The following DGKI variants were observed in gnomAD, a reference collection of about 807,000 sequenced individuals.
DGKI encodes DAG kinase iota.
Under a neutral mutation model 147.5 loss-of-function variants are expected in DGKI, and 55 were observed. That is an observed-to-expected ratio of 0.37 (90% CI 0.30 to 0.47). The LOEUF is 0.47. Among genes scored for constraint, DGKI ranks in the 20% least tolerant of loss-of-function variants. The pLI is 1.00. For missense variants in DGKI, 1,007 were observed against 1,323.8 expected (o/e 0.76, Z 3.71); for synonymous variants, 469 against 477.1 (o/e 0.98, Z 0.22).
rs1794447670 is a variant in DGKI, at chr7:137,718,432, A to C, written c.402-28430T>G. 2.6e-5 allele frequency among the ~76,000 whole-genome samples: 4 copies of C among 152,240 alleles called. No individual in the cohort carries two copies. The South Asian group carries it at 8.3e-4, about 32-fold the overall frequency. ...GGCATGCCAAACAGGGGAGGCTGAG[A>C]AGGGAACCGCAGCCAGGGAGAAAGA... On this transcript the variant is annotated intron_variant, in intron 1 of 32. Coordinates refer to ENST00000614521, the MANE Select transcript of DGKI (RefSeq NM_001321708.2).
chr7:137,505,565 T>C (rs183184333), intron 21 of DGKI, among the ~76,000 whole-genome samples: 27 of 152,212 alleles, frequency 1.8e-4, no homozygotes, highest in Non-Finnish European at 3.4e-4. Flanking sequence ...TAAAAAATAA[T>C]GTTCAATGCT....
At chr7:137,483,842 A>G (rs969301306) in intron 23 of DGKI, among the ~76,000 whole-genome samples, 2 of 152,056 alleles carry the variant, frequency 1.3e-5, no homozygotes, top group Non-Finnish European at 2.9e-5. Context: ...TATCCAGTCT[A>G]TCGTTGATGG....
intron 10 of DGKI, among the ~76,000 whole-genome samples, chr7:137,608,629 CTAACTA>C (rs1269426816): frequency 1.3e-5 from 2 of 152,068 alleles, no homozygotes; most frequent in Non-Finnish European, 2.9e-5. Context: ...GAAGGGCCTC[CTAACTA>C]TAAGAATTGA....
intron 6 of DGKI, among the ~76,000 whole-genome samples, chr7:137,627,050 C>T (rs1475734340): frequency 6.6e-6 from 1 of 152,186 alleles, no homozygotes; most frequent in Non-Finnish European, 1.5e-5. Flanking sequence ...GACAGGTCTA[C>T]TCATATCCAC....
chr7:137,823,011 G>GA (rs1397942716), intron 1 of DGKI, among the ~76,000 whole-genome samples: 2 of 149,022 alleles, frequency 1.3e-5, no homozygotes, highest in African/African-American at 2.5e-5. Flanking sequence ...TAAATTCCAG[G>GA]AAAAAAGCAA....
At chr7:137,530,658 G>A (rs142145135) in intron 20 of DGKI, among the ~76,000 whole-genome samples, 201 of 152,144 alleles carry the variant, frequency 1.3e-3, no homozygotes, top group Non-Finnish European at 2.2e-3. Context: ...CTAAATTTGC[G>A]ATGAGAAAAA....
At chr7:137,405,673 G>C (rs1040639479) in intron 30 of DGKI, among the ~76,000 whole-genome samples, 1 of 152,166 alleles carries the variant, frequency 6.6e-6, no homozygotes, top group Non-Finnish European at 1.5e-5. Flanking sequence ...ATGCAGTAGA[G>C]ATCATCCAGA....
At position 137,571,857 on chromosome 7, in the gene DGKI, AGAAGAAGGACAAGAGAG is replaced by A. The variant is rs1159552472; in HGVS notation, c.1836-588_1836-572del. Among the ~76,000 whole-genome samples, 46 of 152,290 alleles carry A rather than the reference AGAAGAAGGACAAGAGAG, an allele frequency of 3.0e-4. No homozygotes were observed. The South Asian group carries it at 4.6e-3, about 15-fold the overall frequency. ...GAAAGAGGGAGAAGCAAGAAAAGAC[AGAAGAAGGACAAGAGAG>A]GAAGAAGGACAAGAGAGGAAGGACA... On this transcript the variant is annotated intron_variant, in intron 18 of 32. Transcript: ENST00000614521.
chr7:137,416,452 G>C (rs1388974860), intron 28 of DGKI, among the ~76,000 whole-genome samples: 1 of 152,158 alleles, frequency 6.6e-6, no homozygotes, highest in Non-Finnish European at 1.5e-5. Flanking sequence ...GTGTCTGAGG[G>C]AATCTGCAAA....
intron 15 of DGKI, 117 bp downstream of exon 15, chr7:137,581,733 T>A (rs1819200358): frequency 1.2e-6 from 1 of 836,802 alleles, no homozygotes; most frequent in Non-Finnish European, 1.9e-6. Context: ...AAGGTTAAAA[T>A]GAAACAACAC....
intron 25 of DGKI, among the ~76,000 whole-genome samples, chr7:137,466,562 C>T (rs1814669147): frequency 6.6e-6 from 1 of 152,050 alleles, no homozygotes; most frequent in Non-Finnish European, 1.5e-5. Context: ...CCTGGGGCCT[C>T]AAACTTGCTA....
At chr7:137,718,242 T>C (rs116803734) in intron 1 of DGKI, among the ~76,000 whole-genome samples, 79 of 152,280 alleles carry the variant, frequency 5.2e-4, no homozygotes, top group African/African-American at 1.8e-3. Context: ...AATATTATTG[T>C]TGTGGTTGTT....
intron 32 of DGKI, among the ~76,000 whole-genome samples, chr7:137,394,539 G>A (rs991008740): frequency 2.0e-5 from 3 of 151,952 alleles, no homozygotes; most frequent in South Asian, 2.1e-4. Context: ...TTTCTCTTGG[G>A]TGCTCTCTAT....
At chr7:137,695,750 C>T (rs1199483445) in intron 1 of DGKI, among the ~76,000 whole-genome samples, 1 of 152,226 alleles carries the variant, frequency 6.6e-6, no homozygotes, top group African/African-American at 2.4e-5. Context: ...TTCTATACTA[C>T]TTCTCTAATT....
Position 137,604,451 on chromosome 7 carries a change from G to A in DGKI, c.1167+4515C>T, listed in dbSNP as rs529304851. ...CCTTCTCCCCACCTTGATGTGACTG[G>A]CCCCTGACTTAGGAGGGGTGGCCCT... On this transcript the variant is annotated intron_variant, in intron 10 of 32. Transcript: ENST00000614521. Among the ~76,000 whole-genome samples, 13 of 152,202 alleles carry A rather than the reference G, an allele frequency of 8.5e-5. No individual in the cohort carries two copies. The South Asian group carries it at 2.3e-3, about 27-fold the overall frequency.
At chr7:137,537,898 C>T (rs1025962694) in intron 20 of DGKI, among the ~76,000 whole-genome samples, 3 of 152,034 alleles carry the variant, frequency 2.0e-5, no homozygotes, top group African/African-American at 7.2e-5. Context: ...TAAGGTGTGG[C>T]AGAGTTTATA....
chr7:137,581,852 C>G lies in DGKI; in HGVS notation c.1640G>C (p.Arg547Thr). The G allele has an allele frequency of 6.2e-7, 1 of 1,612,842 alleles. No homozygotes were observed. Among genetic ancestry groups the G allele is most frequent in the Non-Finnish European group, 8.5e-7 (1 of 1,178,948 alleles). Residue 547 changes from arginine to threonine, a missense_variant and splice_region_variant, in exon 15 of 33, where the codon AGA becomes ACA. Arg to Thr is a moderately conservative substitution (Grantham distance 71, BLOSUM62 -1). Coordinates refer to ENST00000614521, the MANE Select transcript of DGKI (RefSeq NM_001321708.2). ...TGGAAATGGGACGTTGTCCTCACCT[C>G]TGGATTCATGGAACTCCAGTGTGAC... ...AHVTLEFHES[R>T]EANPEKFNSR...
chr7:137,536,553 AT>A (rs1286074683), intron 20 of DGKI, among the ~76,000 whole-genome samples: 1 of 152,106 alleles, frequency 6.6e-6, no homozygotes, highest in Non-Finnish European at 1.5e-5. Context: ...TGGAGGGCAG[AT>A]TTTCTTATGA....
At chr7:137,843,951 C>T (rs1368869695) in intron 1 of DGKI, among the ~76,000 whole-genome samples, 1 of 152,174 alleles carries the variant, frequency 6.6e-6, no homozygotes, top group Admixed American at 6.5e-5. Context: ...TACCCTAACT[C>T]AGTCCTTTCA....
Sources: allele counts gnomAD v4.1 joint callset (sites outside exome capture counted in the v4.1 genomes callset), GRCh38; gene constraint gnomAD v4.1.1; transcripts MANE v1.5; gene names NCBI Gene and HGNC (gene_info 2026-07-23, HGNC 2026-07-21).